GFRA1: variants seen among roughly 807,000 people sequenced by gnomAD.
GFRA1 encodes GDNF family receptor alpha 1.
GFRA1 carries 16 observed loss-of-function variants against 51.6 expected under a neutral mutation model. That is an observed-to-expected ratio of 0.31 (90% CI 0.21 to 0.47). The LOEUF is 0.47. Ranked by LOEUF, GFRA1 falls within the 20% of genes least tolerant of loss-of-function variation. The pLI is 1.00. For missense variants in GFRA1, 530 were observed against 594.3 expected, an observed-to-expected ratio of 0.89 and a Z score of 1.13; for synonymous variants, 270 against 241.3, an observed-to-expected ratio of 1.12 and a Z score of -1.10.
At chr10:116,135,390 G>A (rs890758836) in intron 5 of GFRA1, among the ~76,000 whole-genome samples, 1 of 152,132 alleles carries the variant, frequency 6.6e-6, no homozygotes. Context: ...AAATTTCTCA[G>A]CCTGTCTCTT....
chr10:116,143,530 G>C (rs1358894645), intron 5 of GFRA1, among the ~76,000 whole-genome samples: 2 of 152,108 alleles, frequency 1.3e-5, no homozygotes, highest in East Asian at 3.9e-4. Flanking sequence ...ATTTCTGAAA[G>C]GGTCACTTTG....
At chr10:116,274,446 C>T (rs924189304), upstream of GFRA1, among the ~76,000 whole-genome samples, 6 of 152,278 alleles carry the variant, frequency 3.9e-5, no homozygotes, top group East Asian at 1.9e-4. Context: ...GAAAAGGGCA[C>T]GGGCTTTGGT....
chr10:116,181,843 C>A (rs1962259218), intron 5 of GFRA1, among the ~76,000 whole-genome samples: 2 of 152,122 alleles, frequency 1.3e-5, no homozygotes, highest in African/African-American at 4.8e-5. Flanking sequence ...TAGGGTTTCG[C>A]TGTGTTAGCC....
At chr10:116,179,538 TC>T (rs1962001817) in intron 5 of GFRA1, among the ~76,000 whole-genome samples, 1 of 152,180 alleles carries the variant, frequency 6.6e-6, no homozygotes, top group Non-Finnish European at 1.5e-5. Flanking sequence ...GTGTTCTCGT[TC>T]CAGAATCCAT....
At chr10:116,265,680 C>T (rs926942641) in intron 4 of GFRA1, among the ~76,000 whole-genome samples, 8 of 152,180 alleles carry the variant, frequency 5.3e-5, no homozygotes, top group Non-Finnish European at 1.0e-4. Flanking sequence ...CTAAACAGTG[C>T]ATTGCGCACG....
intron 5 of GFRA1, among the ~76,000 whole-genome samples, chr10:116,163,458 C>G (rs1006214591): frequency 1.3e-5 from 2 of 152,218 alleles, no homozygotes; most frequent in Admixed American, 6.5e-5. Context: ...CACCGTGGTG[C>G]CTTCAAGGCC....
In GFRA1 at chr10:116,154,024, T is replaced by C. The variant is rs74803776; in HGVS notation, c.434-28467A>G. Among the ~76,000 whole-genome samples the C allele has an allele frequency of 3.0e-3, 461 of 152,162 alleles. 3 individuals carry two copies. Among genetic ancestry groups the C allele is most frequent in the Non-Finnish European group, 5.6e-3 (379 of 67,982 alleles). On this transcript the variant is annotated intron_variant, in intron 5 of 10. Coordinates refer to ENST00000355422, the MANE Select transcript of GFRA1 (RefSeq NM_005264.8). ...TTAACATCATTACATCAGGGAAATGTAAAATAAAACCATAGTGAGATACCA... is the reference window on the plus strand; with the variant it reads ...TTAACATCATTACATCAGGGAAATGCAAAATAAAACCATAGTGAGATACCA...
intron 9 of GFRA1, among the ~76,000 whole-genome samples, chr10:116,079,712 TCAATAGTGC>T: frequency 6.6e-6 from 1 of 152,118 alleles, no homozygotes; most frequent in African/African-American, 2.4e-5. Context: ...GACCAAAATG[TCAATAGTGC>T]CAATGTCGAG....
intron 5 of GFRA1, among the ~76,000 whole-genome samples, chr10:116,207,759 C>T (rs1198208537): frequency 1.3e-5 from 2 of 152,092 alleles, no homozygotes; most frequent in African/African-American, 4.8e-5. Flanking sequence ...GCCTTAAGGA[C>T]AGCAGATGTA....
At chr10:116,149,707 G>A (rs1359305116) in intron 5 of GFRA1, among the ~76,000 whole-genome samples, 3 of 152,142 alleles carry the variant, frequency 2.0e-5, no homozygotes, top group African/African-American at 7.2e-5. Context: ...CATCCATGAA[G>A]GAATTGATGT....
intron 5 of GFRA1, among the ~76,000 whole-genome samples, chr10:116,127,284 T>C (rs1957919475): frequency 6.6e-6 from 1 of 152,208 alleles, no homozygotes; most frequent in African/African-American, 2.4e-5. Context: ...ATTAAAAATA[T>C]TGTACATAAA....
At chr10:116,180,747 T>G (rs891291281) in intron 5 of GFRA1, among the ~76,000 whole-genome samples, 19 of 152,170 alleles carry the variant, frequency 1.2e-4, no homozygotes, top group African/African-American at 4.3e-4. Flanking sequence ...GGGTTGGAGC[T>G]CTTCATTTCA....
At chr10:116,199,183 A>G (rs1371759164) in intron 5 of GFRA1, among the ~76,000 whole-genome samples, 1 of 152,054 alleles carries the variant, frequency 6.6e-6, no homozygotes, top group Non-Finnish European at 1.5e-5. Context: ...GCTTTACACC[A>G]CCTCGTTTGT....
At chr10:116,175,887 C>T (rs975117725) in intron 5 of GFRA1, among the ~76,000 whole-genome samples, 7 of 152,064 alleles carry the variant, frequency 4.6e-5, no homozygotes, top group Non-Finnish European at 8.8e-5. Context: ...AGCATGAAGT[C>T]GAAAAGCAGG....
intron 4 of GFRA1, among the ~76,000 whole-genome samples, chr10:116,263,561 A>C (rs1969441814): frequency 6.6e-6 from 1 of 152,196 alleles, no homozygotes; most frequent in Admixed American, 6.5e-5. Flanking sequence ...GGAGGGATGA[A>C]GCTGCCCAGA....
chr10:116,169,261 T>TA (rs1284847336), intron 5 of GFRA1, among the ~76,000 whole-genome samples: 2 of 152,236 alleles, frequency 1.3e-5, no homozygotes, highest in Non-Finnish European at 2.9e-5. Context: ...AAGGCTATGC[T>TA]AGATCTTAAA....
chr10:116,171,666 A>G (rs1314881820), intron 5 of GFRA1, among the ~76,000 whole-genome samples: 1 of 152,226 alleles, frequency 6.6e-6, no homozygotes, highest in African/African-American at 2.4e-5. Flanking sequence ...CTGAAACAGC[A>G]CATACACAGC....
At chr10:116,115,845 G>A (rs895661946) in intron 6 of GFRA1, among the ~76,000 whole-genome samples, 3 of 152,104 alleles carry the variant, frequency 2.0e-5, no homozygotes, top group Admixed American at 6.5e-5. Flanking sequence ...TGCACTTCAC[G>A]AGTGCTAGCA....
intron 4 of GFRA1, among the ~76,000 whole-genome samples, chr10:116,215,308 T>A (rs1323190650): frequency 6.6e-6 from 1 of 152,198 alleles, no homozygotes; most frequent in Non-Finnish European, 1.5e-5. Context: ...TCTCCCAAAC[T>A]GTGGATGTCA....
Sources: gnomAD v4.1 joint callset for allele counts (sites outside exome capture counted in the v4.1 genomes callset) on GRCh38, gnomAD v4.1.1 for gene constraint, MANE v1.5 for transcripts, NCBI Gene and HGNC (gene_info 2026-07-23, HGNC 2026-07-21) for gene names.